Variants in FBN1 observed in about 807,000 individuals in gnomAD.
FBN1 encodes fibrillin-1.
Under a neutral mutation model 365.1 loss-of-function variants are expected in FBN1, and 29 were observed. That is an observed-to-expected ratio of 0.08 (90% confidence interval 0.06 to 0.11). The LOEUF (loss-of-function observed/expected upper bound fraction) is 0.11, where lower values mean the gene tolerates loss of function less well. Ranked by LOEUF, FBN1 falls within the 10% of genes least tolerant of loss-of-function variation. The pLI is 1.00. For missense variants in FBN1, 2,476 were observed against 3,703.2 expected, an observed-to-expected ratio of 0.67 and a Z score of 8.60; for synonymous variants, 1,210 against 1,270.5, an observed-to-expected ratio of 0.95 and a Z score of 1.01.
At chr15:48,585,161 C>T (rs1251260434) in intron 6 of FBN1, among the ~76,000 whole-genome samples, 7 of 152,170 alleles carry the variant, frequency 4.6e-5, no homozygotes, top group South Asian at 2.1e-4. Context: ...TCTCTTTCAG[C>T]GTGGTTCAGT....
At chr15:48,622,166 TAATA>T (rs1472156774) in intron 2 of FBN1, among the ~76,000 whole-genome samples, 2 of 152,190 alleles carry the variant, frequency 1.3e-5, no homozygotes, top group African/African-American at 4.8e-5. Flanking sequence ...GGTAAAATAA[TAATA>T]ATCCTGTCCC....
intron 64 of FBN1, among the ~76,000 whole-genome samples, chr15:48,415,153 A>C (rs910364278): frequency 2.0e-5 from 3 of 152,206 alleles, no homozygotes; most frequent in African/African-American, 4.8e-5. Context: ...AAGTCCAGAT[A>C]GAATCCTCCC....
Position 48,487,297 on chromosome 15 carries a change from A to C in FBN1, c.3463+15T>G. 1 of 1,614,214 alleles carries C rather than the reference A, an allele frequency of 6.2e-7. No homozygotes were observed. ...ACTGACCACAAGTAAATGGTGTGAA[A>C]GTCTTTCTCCTTACCGATACACGCG... On this transcript the variant is annotated intron_variant, in intron 28 of 65. Transcript: ENST00000316623.
At chr15:48,420,883 T>C in intron 62 of FBN1, 77 bp from the exon 63 acceptor site, 1 of 1,546,500 alleles carries the variant, frequency 6.5e-7, no homozygotes, top group East Asian at 2.2e-5. Context: ...ATAAGAAATC[T>C]GGCCCCTACA....
rs148888513 is a variant in FBN1, at chr15:48,465,856, C to T, written c.4750G>A (p.Glu1584Lys). 8.8e-5 allele frequency: 142 copies of T among 1,610,216 alleles called. No individual in the cohort carries two copies. In the Admixed American group the frequency reaches 1.3e-3, roughly 15 times the overall value. The change falls in exon 39 of 66, where the codon GAG becomes AAG. Residue 1584 changes from glutamate (E) to lysine (K), a missense_variant and splice_region_variant. Transcript: ENST00000316623. ...CEMCPAVNTS[E>K]YKILCPGGEG... ...CCTCCAGGACAAAGAATTTTGTACTCGGCTATTGAAACAAAAATTCAAATT... is the reference window on the plus strand; with the variant it reads ...CCTCCAGGACAAAGAATTTTGTACTTGGCTATTGAAACAAAAATTCAAATT...
In FBN1 at chr15:48,445,109, T is replaced by C. The variant is rs1206020893; in HGVS notation, c.5917+267A>G. 2.8e-5 allele frequency among the ~76,000 whole-genome samples: 4 copies of C among 143,548 alleles called. No individual in the cohort carries two copies. The East Asian group carries it at 8.2e-4, about 29-fold the overall frequency. 94.2% of individuals were successfully genotyped at this position (143,548 alleles called of 152,430 possible). ...TTTAAAATAAGGGAAAAAGTGATTATATATATATATACACATATATATATA... is the reference window on the plus strand; with the variant it reads ...TTTAAAATAAGGGAAAAAGTGATTACATATATATATACACATATATATATA... On this transcript the variant is annotated intron_variant, in intron 48 of 65. Transcript: ENST00000316623.
At chr15:48,577,634 C>A (rs1049678087) in intron 6 of FBN1, among the ~76,000 whole-genome samples, 1 of 152,050 alleles carries the variant, frequency 6.6e-6, no homozygotes, top group East Asian at 1.9e-4. Context: ...ATAAACAAAG[C>A]CTGTTATTTC....
intron 6 of FBN1, among the ~76,000 whole-genome samples, chr15:48,580,930 G>A (rs538891609): frequency 8.5e-5 from 13 of 152,274 alleles, no homozygotes; most frequent in Non-Finnish European, 7.4e-5. Context: ...AAAACTGCAT[G>A]CACTTGTATA....
intron 32 of FBN1, among the ~76,000 whole-genome samples, chr15:48,476,217 A>C (rs1466029471): frequency 6.6e-6 from 1 of 152,262 alleles, no homozygotes; most frequent in Non-Finnish European, 1.5e-5. Context: ...AATACTCCCA[A>C]GCAGGGCTGT....
chr15:48,530,237 T>A (rs369680975), intron 8 of FBN1, among the ~76,000 whole-genome samples: 1 of 130,308 alleles, frequency 7.7e-6, no homozygotes, highest in African/African-American at 2.8e-5. Context: ...ATCCGCCGCC[T>A]GATCACAACT....
chr15:48,614,725 G>A (rs1359122732), intron 2 of FBN1, among the ~76,000 whole-genome samples: 1 of 152,156 alleles, frequency 6.6e-6, no homozygotes, highest in Non-Finnish European at 1.5e-5. Context: ...TGTGAGCTCA[G>A]TATATTTCTG....
At chr15:48,641,151 A>C (rs1483308094) in intron 2 of FBN1, 2 of 152,172 alleles carry the variant, frequency 1.3e-5, no homozygotes, top group African/African-American at 2.4e-5. Flanking sequence ...GTAGATGGGG[A>C]CCACACTGAT....
chr15:48,426,833 C>CT (rs889145627), intron 58 of FBN1, among the ~76,000 whole-genome samples: 7 of 151,342 alleles, frequency 4.6e-5, no homozygotes, highest in African/African-American at 1.7e-4. Context: ...TCTGTTTTTT[C>CT]TTTTTTTTTA....
At chr15:48,598,238 G>T (rs919007073) in intron 5 of FBN1, among the ~76,000 whole-genome samples, 2 of 152,164 alleles carry the variant, frequency 1.3e-5, no homozygotes, top group East Asian at 3.9e-4. Flanking sequence ...TACCCTTAGA[G>T]GAACTACTGA....
rs764120982 is a variant in FBN1 at position 48,412,688 on chromosome 15, C to T, written c.8107G>A (p.Gly2703Ser). 1.1e-5 allele frequency: 18 copies of T among 1,614,106 alleles called. No individual in the cohort carries two copies. Among genetic ancestry groups the T allele is most frequent in the South Asian group, 5.5e-5 (5 of 91,090 alleles). The change falls in exon 65 of 66, where the codon GGT (glycine) becomes AGT (serine). Residue 2703 changes from glycine to serine, a missense_variant. This residue lies in a region of FBN1 where 1,780 missense variants were observed against 2,840.8 expected (regional missense o/e 0.63). Transcript: ENST00000316623. The part of the protein sequence containing the change: ...GRGNPEPPVS[G>S]EMDDNSLSPE... ...GAGAGTGAATTGTCATCCATTTCAC[C>T]ACTGACAGGTGGCTCTGGGTTTCCT... is the stretch of plus-strand genomic sequence containing the variant.
At chr15:48,488,000 A>C in intron 27 of FBN1, 113 bp downstream of exon 27, 9 of 1,378,446 alleles carry the variant, frequency 6.5e-6, no homozygotes, top group Non-Finnish European at 8.2e-6. Context: ...ACTGATTCCT[A>C]ACTTCACTGG....
chr15:48,483,845 C>A lies in FBN1; in HGVS notation c.3811G>T (p.Ala1271Ser). The change falls in exon 31 of 66, where the codon GCA becomes TCA. Residue 1271 changes from alanine (A) to serine (S), a missense_variant. By Grantham distance (99) the Ala-to-Ser change is moderately conservative. Transcript: ENST00000316623. Reference protein sequence around the residue: ...YRCLCYDGFMASEDMKTCVDV... With the variant: ...YRCLCYDGFMSSEDMKTCVDV... ...ACACAAGTCTTCATGTCTTCAGATG[C>A]CATGAATCCATCATAACACAAGCAC... is the stretch of plus-strand genomic sequence containing the variant. 6.2e-7 allele frequency: 1 copy of A among 1,613,756 alleles called. No individual in the cohort carries two copies. The highest frequency in any genetic ancestry group is 8.5e-7 in the Non-Finnish European group (1 of 1,179,988).
intron 2 of FBN1, among the ~76,000 whole-genome samples, chr15:48,631,104 C>T (rs531959800): frequency 5.3e-5 from 8 of 152,170 alleles, no homozygotes; most frequent in Admixed American, 2.0e-4. Flanking sequence ...TCCACTCTCA[C>T]GGATGTTCAA....
In FBN1 at chr15:48,507,542, T is replaced by C. The variant is rs117849468; in HGVS notation, c.1837+1040A>G. 6.6e-5 allele frequency among the ~76,000 whole-genome samples: 10 copies of C among 152,304 alleles called. No homozygotes were observed. The East Asian group carries it at 1.9e-3, about 29-fold the overall frequency. On this transcript the variant is annotated intron_variant, in intron 15 of 65. Coordinates refer to ENST00000316623, the MANE Select transcript of FBN1 (RefSeq NM_000138.5). ...ATTGATGTGAAGGTCATAGAGAATG[T>C]AGGTAAACAACCAAGGGCTTGAAGT...
Sources: gnomAD v4.1 joint callset for allele counts (sites outside exome capture counted in the v4.1 genomes callset) on GRCh38, gnomAD v4.1.1 for gene constraint, gnomAD v4.1.1 regional missense constraint, MANE v1.5 for transcripts, NCBI Gene and HGNC (gene_info 2026-07-23, HGNC 2026-07-21) for gene names.